PTPRD: variants seen among roughly 807,000 people sequenced by gnomAD.
PTPRD encodes receptor-type tyrosine-protein phosphatase delta.
A neutral mutation model predicts 214.5 loss-of-function variants in PTPRD; 34 were observed. The observed-to-expected ratio is 0.16, with a 90% CI of 0.12 to 0.21. The LOEUF is 0.21. PTPRD is among the 10% of genes least tolerant of loss of function. The pLI is 1.00. For synonymous variants in PTPRD, 1,128 were observed against 845.7 expected (o/e 1.33, Z -5.79); for missense variants, 2,545 against 2,398.7 (o/e 1.06, Z -1.27).
intron 8 of PTPRD, among the ~76,000 whole-genome samples, chr9:9,491,099 G>A (rs998016589): frequency 6.6e-6 from 1 of 151,686 alleles, no homozygotes; most frequent in Non-Finnish European, 1.5e-5. Flanking sequence ...GTTAAAGGAT[G>A]GAAAAAAACA....
chr9:9,400,153 T>C (rs1455433601), intron 8 of PTPRD, among the ~76,000 whole-genome samples: 1 of 150,034 alleles, frequency 6.7e-6, no homozygotes, highest in Non-Finnish European at 1.5e-5. Context: ...ATATGAGTTG[T>C]AAGTACCCAT....
At chr9:9,002,080 C>T (rs894935455) in intron 11 of PTPRD, among the ~76,000 whole-genome samples, 12 of 151,804 alleles carry the variant, frequency 7.9e-5, no homozygotes, top group Non-Finnish European at 1.8e-4. Flanking sequence ...TCACTCTAAT[C>T]ATCGTAACAA....
intron 14 of PTPRD, among the ~76,000 whole-genome samples, chr9:8,599,869 G>A (rs1017428015): frequency 3.9e-5 from 6 of 151,992 alleles, no homozygotes; most frequent in East Asian, 3.9e-4. Flanking sequence ...CACCAGCCTC[G>A]GCCCCCCAAA....
chr9:9,024,419 T>A (rs1188385353), intron 10 of PTPRD, among the ~76,000 whole-genome samples: 3 of 147,522 alleles, frequency 2.0e-5, no homozygotes, highest in African/African-American at 7.5e-5. Context: ...TTTGCATGAA[T>A]CATGATTAAT....
At chr9:10,160,744 A>G (rs1389279256) in intron 3 of PTPRD, among the ~76,000 whole-genome samples, 1 of 151,968 alleles carries the variant, frequency 6.6e-6, no homozygotes, top group Admixed American at 6.6e-5. Context: ...GTCAAGAGAA[A>G]GAAACAAAGG....
At chr9:10,371,549 C>T (rs1321304105) in intron 2 of PTPRD, among the ~76,000 whole-genome samples, 1 of 152,026 alleles carries the variant, frequency 6.6e-6, no homozygotes, top group African/African-American at 2.4e-5. Context: ...GAGTCCTCTT[C>T]AGAATTCCAG....
Position 9,725,206 on chromosome 9 carries a change from A to G in PTPRD, c.-287+9327T>C, listed in dbSNP as rs146645846. ...CCTCGTGTTCTGGGAAGGATCTGGT[A>G]AGAGATAACTGAATCATGGGGGCAA... On this transcript the variant is annotated intron_variant, in intron 7 of 45. Transcript: ENST00000381196. Among the ~76,000 whole-genome samples the G allele has an allele frequency of 1.7e-3, 254 of 152,228 alleles. 1 individual carries two copies. Among genetic ancestry groups the G allele is most frequent in the African/African-American group, 5.7e-3 (237 of 41,534 alleles).
chr9:10,581,773 A>G (rs982689943), intron 2 of PTPRD, among the ~76,000 whole-genome samples: 9 of 152,144 alleles, frequency 5.9e-5, no homozygotes, highest in African/African-American at 1.9e-4. Context: ...ATATAAGGGT[A>G]TTAAATAGAA....
chr9:9,622,235 T>G (rs549052353), intron 7 of PTPRD, among the ~76,000 whole-genome samples: 1 of 152,182 alleles, frequency 6.6e-6, no homozygotes, highest in African/African-American at 2.4e-5. Flanking sequence ...AAACACAAAA[T>G]TCAGGGTGCT....
chr9:9,822,881 C>T (rs1046019815), intron 5 of PTPRD, among the ~76,000 whole-genome samples: 41 of 152,108 alleles, frequency 2.7e-4, no homozygotes, highest in Middle Eastern at 6.8e-3. Context: ...TGTAAGTCAA[C>T]GCAGTCACTA....
At chr9:8,765,327 C>G (rs948977566) in intron 11 of PTPRD, among the ~76,000 whole-genome samples, 5 of 152,158 alleles carry the variant, frequency 3.3e-5, no homozygotes, top group Admixed American at 2.0e-4. Context: ...GATGCAATAA[C>G]AATAACACTA....
At chr9:9,270,321 G>A (rs1321541920) in intron 9 of PTPRD, among the ~76,000 whole-genome samples, 3 of 151,240 alleles carry the variant, frequency 2.0e-5, no homozygotes, top group Non-Finnish European at 4.4e-5. Context: ...GAGAAATAAG[G>A]GAAAAGAACA....
intron 3 of PTPRD, among the ~76,000 whole-genome samples, chr9:10,230,246 C>T (rs1421818956): frequency 1.3e-5 from 2 of 152,016 alleles, no homozygotes; most frequent in Admixed American, 6.6e-5. Context: ...TCATCTTTCA[C>T]TTCCAGATTC....
chr9:10,063,642 T>G (rs905293439), intron 3 of PTPRD, among the ~76,000 whole-genome samples: 3 of 152,044 alleles, frequency 2.0e-5, no homozygotes, highest in African/African-American at 7.2e-5. Context: ...TAGTGTCATA[T>G]GTACTTGATT....
intron 3 of PTPRD, among the ~76,000 whole-genome samples, chr9:10,222,973 T>TA (rs2099576308): frequency 6.6e-6 from 1 of 152,014 alleles, no homozygotes; most frequent in Non-Finnish European, 1.5e-5. Flanking sequence ...TGAGGTTCTA[T>TA]ACCAAGCCAG....
chr9:9,015,126 A>T (rs902466123), intron 11 of PTPRD, among the ~76,000 whole-genome samples: 1 of 152,142 alleles, frequency 6.6e-6, no homozygotes, highest in African/African-American at 2.4e-5. Flanking sequence ...AAAAAATTAA[A>T]CAATCAATCA....
chr9:10,165,433 G>C (rs945326353), intron 3 of PTPRD, among the ~76,000 whole-genome samples: 2 of 151,614 alleles, frequency 1.3e-5, no homozygotes, highest in Non-Finnish European at 3.0e-5. Context: ...TGCAATAAAA[G>C]GTAGAATAAC....
chr9:10,493,387 G>T (rs753647253), intron 2 of PTPRD, among the ~76,000 whole-genome samples: 1 of 152,112 alleles, frequency 6.6e-6, no homozygotes, highest in African/African-American at 2.4e-5. Context: ...CATGGTACTG[G>T]TACCAAAACA....
chr9:9,531,841 G>A (rs1458131437), intron 8 of PTPRD, among the ~76,000 whole-genome samples: 1 of 152,010 alleles, frequency 6.6e-6, no homozygotes, highest in Admixed American at 6.6e-5. Context: ...AATAAGATGT[G>A]TTCTTTGTTG....
Sources: allele counts gnomAD v4.1 joint callset (sites outside exome capture counted in the v4.1 genomes callset), GRCh38; gene constraint gnomAD v4.1.1; transcripts MANE v1.5; gene names NCBI Gene and HGNC (gene_info 2026-07-23, HGNC 2026-07-21).